Variants in TEAD4 observed in about 807,000 individuals in gnomAD.
TEAD4 encodes the protein transcriptional enhancer factor TEF-3.
A neutral mutation model predicts 52.4 loss-of-function variants in TEAD4; 36 were observed. The ratio of observed to expected loss-of-function variants is 0.69; its 90% CI spans 0.53 to 0.91. TEAD4 has a LOEUF of 0.91. TEAD4 is among the 40% of genes least tolerant of loss of function. The probability of loss-of-function intolerance (pLI) is 0.00; values close to 1 mark genes in which losing one functional copy is unlikely to be tolerated. For missense variants in TEAD4, 508 were observed against 583.9 expected (o/e 0.87, Z 1.34); for synonymous variants, 220 against 231.0 (o/e 0.95, Z 0.43).
At chr12:3,001,581 C>T (rs1389342544) in intron 3 of TEAD4, among the ~76,000 whole-genome samples, 2 of 151,956 alleles carry the variant, frequency 1.3e-5, no homozygotes, top group African/African-American at 4.8e-5. Flanking sequence ...ACCAGCCTGG[C>T]CAACATGGTG....
intron 5 of TEAD4, 100 bp from the exon 6 acceptor site, chr12:3,017,298 C>G: frequency 1.3e-6 from 2 of 1,524,606 alleles, no homozygotes; most frequent in Non-Finnish European, 1.8e-6. Context: ...GCTCTGGCCA[C>G]TGGCAGCGAG....
At chr12:3,002,739 A>G (rs989805675) in intron 3 of TEAD4, among the ~76,000 whole-genome samples, 2 of 152,200 alleles carry the variant, frequency 1.3e-5, no homozygotes, top group African/African-American at 2.4e-5. Context: ...CAAGGAACTC[A>G]CAGTGTGGCG....
chr12:3,014,923 G>T (rs912086991), intron 5 of TEAD4, among the ~76,000 whole-genome samples: 15 of 152,222 alleles, frequency 9.9e-5, no homozygotes, highest in Non-Finnish European at 2.2e-4. Flanking sequence ...GCTCGCAAGG[G>T]TGCGCCTGCC....
intron 2 of TEAD4, among the ~76,000 whole-genome samples, chr12:2,977,700 C>T (rs1402108103): frequency 1.3e-5 from 2 of 152,166 alleles, no homozygotes; most frequent in African/African-American, 4.8e-5. Context: ...AGGTTTCACT[C>T]AGGTCATAGG....
chr12:3,028,209 C>A (rs1283037338), intron 10 of TEAD4, among the ~76,000 whole-genome samples: 1 of 152,186 alleles, frequency 6.6e-6, no homozygotes, highest in Non-Finnish European at 1.5e-5. Flanking sequence ...TTTATCCATT[C>A]ATCAGTTCAT....
intron 2 of TEAD4, among the ~76,000 whole-genome samples, chr12:2,978,331 A>G (rs900154262): frequency 2.0e-5 from 3 of 150,664 alleles, no homozygotes; most frequent in South Asian, 2.1e-4. Context: ...GAACTTTTTC[A>G]TCTTCCGAAA....
intron 2 of TEAD4, among the ~76,000 whole-genome samples, chr12:2,974,542 C>T (rs138756956): frequency 2.6e-5 from 4 of 152,246 alleles, no homozygotes; most frequent in South Asian, 2.1e-4. Context: ...GATGCTTTTC[C>T]AGAGGTGCTT....
Position 2,994,735 on chromosome 12 carries a change from C to A in TEAD4, c.-29-3C>A. The A allele has an allele frequency of 6.4e-7, 1 of 1,569,678 alleles. No homozygotes were observed. The highest frequency in any genetic ancestry group is 8.6e-7 in the Non-Finnish European group (1 of 1,157,758). Reference sequence around the variant, plus strand: ...ACCGGGGCTGTGGTTCCTGTCCCCACAGGTCCAACGAGCGCTCCTCCAAGC... The same window carrying A: ...ACCGGGGCTGTGGTTCCTGTCCCCAAAGGTCCAACGAGCGCTCCTCCAAGC... On this transcript the variant is annotated splice_region_variant and splice_polypyrimidine_tract_variant and intron_variant, in intron 2 of 12. Transcript: ENST00000359864. The surrounding 1 kb of genome is among the most constrained non-coding windows in gnomAD (Gnocchi z 4.7).
intron 10 of TEAD4, among the ~76,000 whole-genome samples, chr12:3,026,595 G>C (rs774192391): frequency 4.6e-5 from 7 of 152,210 alleles, no homozygotes; most frequent in Non-Finnish European, 1.0e-4. Context: ...CCCATAATTA[G>C]TTGTGTGGCT....
At position 3,014,927 on chromosome 12, in the gene TEAD4, G is replaced by A. The variant is rs559940478; in HGVS notation, c.355-2471G>A. On this transcript the variant is annotated intron_variant, in intron 5 of 12. Coordinates refer to ENST00000359864, the MANE Select transcript of TEAD4 (RefSeq NM_003213.4). ...GAGGTCTTCGGGCTCGCAAGGGTGC[G>A]CCTGCCAAGTCCCTCATGCCCTCCT... Among the ~76,000 whole-genome samples the A allele has an allele frequency of 5.3e-5, 8 of 152,344 alleles. No individual in the cohort carries two copies. In the South Asian group the frequency reaches 1.0e-3, roughly 20 times the overall value.
intron 4 of TEAD4, 43 bp downstream of exon 4, chr12:3,011,111 C>T: frequency 3.1e-6 from 5 of 1,609,182 alleles, no homozygotes; most frequent in South Asian, 1.1e-5. Flanking sequence ...GGTGGTACCC[C>T]AGCACCAGTC....
At chr12:3,030,154 T>C (rs1273713856) in intron 10 of TEAD4, among the ~76,000 whole-genome samples, 1 of 152,204 alleles carries the variant, frequency 6.6e-6, no homozygotes, top group Non-Finnish European at 1.5e-5. Context: ...CTGAAGATGG[T>C]CACCCTTTGG....
At chr12:3,015,477 G>C (rs2098263766) in intron 5 of TEAD4, among the ~76,000 whole-genome samples, 3 of 152,260 alleles carry the variant, frequency 2.0e-5, no homozygotes, top group Admixed American at 2.0e-4. Flanking sequence ...GGAAGGGCCT[G>C]CTGTGTTCTG....
intron 10 of TEAD4, among the ~76,000 whole-genome samples, chr12:3,031,737 G>A (rs570462678): frequency 1.3e-5 from 2 of 152,322 alleles, no homozygotes; most frequent in Non-Finnish European, 2.9e-5. Context: ...AACCTCATCT[G>A]CAGAGGGGAA....
chr12:3,028,386 C>T (rs932163526), intron 10 of TEAD4, among the ~76,000 whole-genome samples: 4 of 152,142 alleles, frequency 2.6e-5, no homozygotes, highest in East Asian at 1.9e-4. Context: ...AAGAGTCTTC[C>T]GAAGTGGCTG....
chr12:2,998,281 G>A (rs61917965), intron 3 of TEAD4, among the ~76,000 whole-genome samples: 3 of 152,046 alleles, frequency 2.0e-5, no homozygotes, highest in Non-Finnish European at 2.9e-5. Context: ...TTATTTAGTT[G>A]TTATAGGTAG....
At chr12:2,966,707 G>A (rs12425740) in intron 2 of TEAD4, among the ~76,000 whole-genome samples, 11,395 of 151,398 alleles carry the variant, frequency 0.075, 1,076 homozygotes, top group African/African-American at 0.22. Context: ...CACCATGCCC[G>A]GCGTATTTCT....
rs751726393 is a variant in TEAD4 at position 3,012,152 on chromosome 12, CCT to C, written c.292-12_292-11del. 11 of 1,613,378 alleles carry C rather than the reference CCT, an allele frequency of 6.8e-6. No homozygotes were observed. The highest frequency in any genetic ancestry group is 9.3e-6 in the Non-Finnish European group (11 of 1,179,594). The stretch of plus-strand genomic sequence containing the variant: ...GTTGTTGGGAGGTAGAGACAGGAGT[CCT>C]CTCTCCCTGCCACAGGTCTCCAGCC... On this transcript the variant is annotated splice_polypyrimidine_tract_variant and intron_variant, in intron 4 of 12. Transcript: ENST00000359864.
chr12:2,999,459 A>T (rs2098249885), intron 3 of TEAD4, among the ~76,000 whole-genome samples: 1 of 152,246 alleles, frequency 6.6e-6, no homozygotes, highest in Non-Finnish European at 1.5e-5. Flanking sequence ...CGGAACATCC[A>T]GCATAGGACA....
Sources: allele counts gnomAD v4.1 joint callset (sites outside exome capture counted in the v4.1 genomes callset), GRCh38; gene constraint gnomAD v4.1.1; non-coding constraint Gnocchi (gnomAD v3.1); transcripts MANE v1.5; gene names NCBI Gene and HGNC (gene_info 2026-07-23, HGNC 2026-07-21).